The following KCTD19 variants were observed in gnomAD, a reference collection of about 807,000 sequenced individuals.
The protein encoded by KCTD19 is BTB/POZ domain-containing protein KCTD19.
KCTD19 carries 67 observed loss-of-function variants against 103.5 expected under a neutral mutation model. The ratio of observed to expected loss-of-function variants is 0.65; its 90% CI spans 0.53 to 0.79. KCTD19 has a LOEUF of 0.79. Ranked by LOEUF, KCTD19 falls within the 30% of genes least tolerant of loss-of-function variation. KCTD19 has a pLI of 0.00. For synonymous variants in KCTD19, 439 were observed against 452.2 expected (o/e 0.97, Z 0.37); for missense variants, 980 against 1,136.1 (o/e 0.86, Z 1.98).
chr16:67,295,126 G>A, intron 9 of KCTD19, 70 bp from the exon 10 acceptor site: 1 of 1,556,256 alleles, frequency 6.4e-7, no homozygotes, highest in African/African-American at 1.4e-5. Flanking sequence ...TGAGCTCCTG[G>A]AACTGCCGCT....
At chr16:67,295,156 G>C in intron 9 of KCTD19, 100 bp from the exon 10 acceptor site, 1 of 1,565,778 alleles carries the variant, frequency 6.4e-7, no homozygotes, top group South Asian at 1.1e-5. Context: ...TCCCACGATG[G>C]AAATAAAATA....
intron 1 of KCTD19, among the ~76,000 whole-genome samples, chr16:67,324,065 A>G (rs1443033467): frequency 6.6e-6 from 1 of 152,162 alleles, no homozygotes. Context: ...TAAAAGTTTA[A>G]GGTCATCTGT....
In KCTD19 at chr16:67,298,207, A is replaced by G. The variant is rs1006949041; in HGVS notation, c.987-544T>C. Among the ~76,000 whole-genome samples, 8 of 151,986 alleles carry G rather than the reference A, an allele frequency of 5.3e-5. No homozygotes were observed. The South Asian group carries it at 1.5e-3, about 28-fold the overall frequency. ...ACGGGGTTTCACCATGTAGGCCAGG[A>G]TGGTCTCAATCTCTTGACCTCATGA... On this transcript the variant is annotated intron_variant, in intron 6 of 15. Coordinates refer to ENST00000304372, the MANE Select transcript of KCTD19 (RefSeq NM_001100915.3).
At position 67,320,914 on chromosome 16, in the gene KCTD19, G is replaced by A. The variant is rs763361494; in HGVS notation, c.4-29C>T. 3.2e-5 allele frequency: 50 copies of A among 1,548,250 alleles called. No individual in the cohort carries two copies. Among genetic ancestry groups the A allele is most frequent in the East Asian group, 1.4e-4 (6 of 43,838 alleles). On this transcript the variant is annotated intron_variant, in intron 1 of 15. Transcript: ENST00000304372. The surrounding 1 kb of genome is among the most constrained non-coding windows in gnomAD (Gnocchi z 4.0). The stretch of plus-strand genomic sequence containing the variant: ...AAGGGGGAATGAAAAAGAGATCTAC[G>A]CAAGAAAAAGAAATAAAAAGGCATC...
Position 67,294,903 on chromosome 16 carries a change from T to C in KCTD19, c.1475+70A>G, listed in dbSNP as rs149806855. The C allele has an allele frequency of 4.5e-4, 576 of 1,267,714 alleles. 2 individuals are homozygous for C. The African/African-American group carries it at 7.8e-3, about 17-fold the overall frequency. The allele number at this position is 1,267,714 out of a possible 1,614,324, so 78.5% of individuals were successfully genotyped here. ...ATCAGGATCCTCTAGGAGTAGGACT[T>C]AGGACAGGATTTCAAGAGGAATTTA... is the stretch of plus-strand genomic sequence containing the variant. On this transcript the variant is annotated intron_variant, in intron 10 of 15. Transcript: ENST00000304372.
At chr16:67,326,561 CA>C (rs1308440038) in intron 1 of KCTD19, 143 bp downstream of exon 1, 1 of 1,116,682 alleles carries the variant, frequency 9.0e-7, no homozygotes, top group African/African-American at 1.6e-5. Flanking sequence ...GCCAGCCCCC[CA>C]AATCCTTCCC....
At chr16:67,311,835 G>A (rs1053070735) in intron 2 of KCTD19, among the ~76,000 whole-genome samples, 14 of 152,016 alleles carry the variant, frequency 9.2e-5, no homozygotes, top group African/African-American at 2.2e-4. Context: ...CTGATGCCAC[G>A]TCAAGGGGTT....
intron 14 of KCTD19, 42 bp from the exon 15 acceptor site, chr16:67,291,028 C>T: frequency 6.3e-7 from 1 of 1,598,050 alleles, no homozygotes; most frequent in Non-Finnish European, 8.6e-7. Flanking sequence ...AGGGCAGCTC[C>T]TAGCCCCTCA....
intron 2 of KCTD19, among the ~76,000 whole-genome samples, chr16:67,307,373 G>A (rs968771079): frequency 4.0e-5 from 6 of 151,456 alleles, no homozygotes; most frequent in Non-Finnish European, 5.9e-5. Context: ...GAGGGCAGTG[G>A]CCCAATCTTG....
rs141163581 is a variant in KCTD19, at chr16:67,296,304, G to A, written c.1148-45C>T. On this transcript the variant is annotated intron_variant, in intron 7 of 15. Coordinates refer to ENST00000304372, the MANE Select transcript of KCTD19 (RefSeq NM_001100915.3). The stretch of plus-strand genomic sequence containing the variant: ...AGAACACATCATCATATGGCCAGAA[G>A]GGAAAGCAGGTAGGGCCCTTTGGTT... The A allele has an allele frequency of 3.3e-3, 4,097 of 1,229,662 alleles. 70 individuals are homozygous for A. Among genetic ancestry groups the A allele is most frequent in the Admixed American group, 0.026 (1,572 of 59,510 alleles). The allele number at this position is 1,229,662 out of a possible 1,614,324, so 76.2% of individuals were successfully genotyped here.
chr16:67,306,916 A>G (rs1456040298), intron 2 of KCTD19, among the ~76,000 whole-genome samples: 2 of 152,148 alleles, frequency 1.3e-5, no homozygotes, highest in African/African-American at 2.4e-5. Context: ...CTCTGGTATC[A>G]TCACTCCCTT....
At chr16:67,289,741 A>G (rs1049273692) in intron 15 of KCTD19, 59 bp from the exon 16 acceptor site, 107 of 1,305,206 alleles carry the variant, frequency 8.2e-5, no homozygotes, top group Non-Finnish European at 2.0e-5. Flanking sequence ...CTCTAGCTCC[A>G]TGTGGGTGGG....
chr16:67,294,892 G>T, intron 10 of KCTD19, 81 bp downstream of exon 10: 1 of 1,190,802 alleles, frequency 8.4e-7, no homozygotes, highest in Non-Finnish European at 1.2e-6. Flanking sequence ...GGATCCTCTA[G>T]GAGTAGGACT....
At chr16:67,310,696 T>C (rs1198313419) in intron 2 of KCTD19, among the ~76,000 whole-genome samples, 2 of 152,346 alleles carry the variant, frequency 1.3e-5, no homozygotes, top group Non-Finnish European at 2.9e-5. Flanking sequence ...TTGCCAAAGA[T>C]GGCTGACAAA....
In KCTD19 at chr16:67,326,737, C is replaced by A. The variant is rs565026949; in HGVS notation, c.-30G>T. 7.7e-6 allele frequency: 12 copies of A among 1,564,904 alleles called. No homozygotes were observed. Among genetic ancestry groups the A allele is most frequent in the African/African-American group, 1.4e-5 (1 of 70,880 alleles). ...GCGGCTCCAGCAGCGGGCGGGCGGGCTTGTGACCCGGCCAATAACGGTTCC... is the reference window on the plus strand; with the variant it reads ...GCGGCTCCAGCAGCGGGCGGGCGGGATTGTGACCCGGCCAATAACGGTTCC... On this transcript the variant is annotated 5_prime_UTR_variant, in exon 1 of 16. Coordinates refer to ENST00000304372, the MANE Select transcript of KCTD19 (RefSeq NM_001100915.3).
Position 67,303,108 on chromosome 16 carries a change from C to CCGGGGGCGG in KCTD19, c.643+37_643+38insCCGCCCCCG. The CCGGGGGCGG allele has an allele frequency of 1.3e-6, 1 of 798,078 alleles. No individual in the cohort carries two copies. Among genetic ancestry groups the CCGGGGGCGG allele is most frequent in the Non-Finnish European group, 2.1e-6 (1 of 476,660 alleles). The allele number at this position is 798,078 out of a possible 1,614,324, so 49.4% of individuals were successfully genotyped here. On this transcript the variant is annotated intron_variant, in intron 4 of 15. Transcript: ENST00000304372. The surrounding 1 kb of genome is among the most constrained non-coding windows in gnomAD (Gnocchi z 4.3). ...ATGGGGAGGGGTGAATGGGCCCTAT[C>CCGGGGGCGG]AGCCCGCCCCCCACCCCACCCCGGA...
intron 1 of KCTD19, among the ~76,000 whole-genome samples, chr16:67,324,558 G>C (rs1381438862): frequency 1.3e-5 from 2 of 152,184 alleles, no homozygotes; most frequent in Admixed American, 6.5e-5. Context: ...GGTGCTCACT[G>C]TACAATTCTT....
chr16:67,315,973 C>T (rs1254813575), intron 2 of KCTD19, among the ~76,000 whole-genome samples: 1 of 152,116 alleles, frequency 6.6e-6, no homozygotes, highest in Non-Finnish European at 1.5e-5. Flanking sequence ...TACCCCTTTG[C>T]CCCTTTTTCA....
chr16:67,309,636 A>G (rs1415302266), intron 2 of KCTD19, among the ~76,000 whole-genome samples: 1 of 152,238 alleles, frequency 6.6e-6, no homozygotes, highest in Admixed American at 6.5e-5. Context: ...TCAACCCCCA[A>G]GATTCTGTCT....
Sources: allele counts gnomAD v4.1 joint callset (sites outside exome capture counted in the v4.1 genomes callset), GRCh38; gene constraint gnomAD v4.1.1; non-coding constraint Gnocchi (gnomAD v3.1); transcripts MANE v1.5; gene names NCBI Gene and HGNC (gene_info 2026-07-23, HGNC 2026-07-21).